Variants in TENM2 observed in about 807,000 individuals in gnomAD.
The protein encoded by TENM2 is teneurin-2.
A neutral mutation model predicts 245.2 loss-of-function variants in TENM2; 52 were observed. That is an observed-to-expected ratio of 0.21 (90% CI 0.17 to 0.27). TENM2 has a LOEUF of 0.27. TENM2 is among the 10% of genes least tolerant of loss of function. TENM2 has a pLI of 1.00. For missense variants in TENM2, 3,046 were observed against 3,666.8 expected, an observed-to-expected ratio of 0.83 and a Z score of 4.37; for synonymous variants, 1,363 against 1,438.9, an observed-to-expected ratio of 0.95 and a Z score of 1.19.
chr5:166,998,690 GT>G, the TENM2 span, among the ~76,000 whole-genome samples: 1 of 152,240 alleles, frequency 6.6e-6, no homozygotes, highest in Non-Finnish European at 1.5e-5. Context: ...TCAGCACAAA[GT>G]ATGGGACTTG....
At chr5:168,261,882 C>A (rs1187526344) in intron 28 of TENM2, among the ~76,000 whole-genome samples, 167 bp from the exon 31 acceptor site, 1 of 152,186 alleles carries the variant, frequency 6.6e-6, no homozygotes, top group African/African-American at 2.4e-5. Context: ...CACTGGTAAT[C>A]AACCAGCCAA....
chr5:168,156,386 G>A (rs1271945109), intron 12 of TENM2, among the ~76,000 whole-genome samples: 2 of 151,074 alleles, frequency 1.3e-5, no homozygotes, highest in East Asian at 3.9e-4. Flanking sequence ...GCATTTCCAT[G>A]CAGCCTGTTT....
chr5:167,065,660 A>G, the TENM2 span, among the ~76,000 whole-genome samples: 1 of 152,238 alleles, frequency 6.6e-6, no homozygotes, highest in African/African-American at 2.4e-5. Flanking sequence ...TCCAATGGGA[A>G]TTATTCTTAA....
intron 4 of TENM2, among the ~76,000 whole-genome samples, chr5:167,985,461 T>C (rs2151982343): frequency 6.6e-6 from 1 of 152,354 alleles, no homozygotes; most frequent in East Asian, 1.9e-4. Flanking sequence ...TTAAGACTTT[T>C]GCTGTATTTC....
At chr5:167,948,101 T>G (rs888729747) in intron 3 of TENM2, among the ~76,000 whole-genome samples, 4 of 152,340 alleles carry the variant, frequency 2.6e-5, no homozygotes, top group African/African-American at 9.6e-5. Context: ...CTGAAAGTCT[T>G]CCTTTATATG....
At chr5:167,269,372 G>A in the TENM2 span, among the ~76,000 whole-genome samples, 4 of 152,146 alleles carry the variant, frequency 2.6e-5, no homozygotes, top group East Asian at 1.9e-4. Flanking sequence ...CAAGAGGCAC[G>A]GTCCCTGCCC....
intron 6 of TENM2, among the ~76,000 whole-genome samples, chr5:168,059,714 A>G (rs887551980): frequency 6.6e-6 from 1 of 152,132 alleles, no homozygotes; most frequent in Non-Finnish European, 1.5e-5. Context: ...GTTTATAGTA[A>G]TGAGAGCTCC....
At chr5:167,417,931 T>C (rs73371335) in intron 2 of TENM2, among the ~76,000 whole-genome samples, 6,256 of 152,316 alleles carry the variant, frequency 0.041, 461 homozygotes, top group African/African-American at 0.14. Context: ...CCTTTCATTT[T>C]GCATTTTCAT....
chr5:167,600,088 T>TAGCCAACACTGCA (rs1314946515), intron 2 of TENM2, among the ~76,000 whole-genome samples: 5 of 149,428 alleles, frequency 3.3e-5, no homozygotes, highest in Admixed American at 6.7e-5. Flanking sequence ...GGAGTTTGCT[T>TAGCCAACACTGCA]CATTTATAGG....
At chr5:167,967,753 A>G (rs1781485544) in intron 4 of TENM2, among the ~76,000 whole-genome samples, 1 of 152,134 alleles carries the variant, frequency 6.6e-6, no homozygotes, top group Non-Finnish European at 1.5e-5. Context: ...AATGTCGAAG[A>G]CTCTGGGGTT....
the TENM2 span, among the ~76,000 whole-genome samples, chr5:166,981,055 CTG>C: frequency 6.6e-6 from 1 of 152,148 alleles, no homozygotes; most frequent in East Asian, 1.9e-4. Flanking sequence ...ACAAAACAAA[CTG>C]TAAATTAACT....
At chr5:167,008,954 C>T in the TENM2 span, among the ~76,000 whole-genome samples, 1 of 152,182 alleles carries the variant, frequency 6.6e-6, no homozygotes, top group African/African-American at 2.4e-5. Flanking sequence ...CCACTTACAG[C>T]TTTGTGCTCC....
At chr5:167,492,230 A>G (rs1173834261) in intron 2 of TENM2, among the ~76,000 whole-genome samples, 1 of 152,128 alleles carries the variant, frequency 6.6e-6, no homozygotes, top group African/African-American at 2.4e-5. Context: ...AGTATAGGGT[A>G]GTGGTTAAGG....
intron 2 of TENM2, among the ~76,000 whole-genome samples, chr5:167,866,293 G>T (rs1282982762): frequency 6.6e-6 from 1 of 152,170 alleles, no homozygotes; most frequent in Non-Finnish European, 1.5e-5. Flanking sequence ...GAGGTCAGGA[G>T]TTCGAGACCA....
chr5:167,953,652 T>C (rs1780296967), intron 4 of TENM2, among the ~76,000 whole-genome samples: 1 of 152,198 alleles, frequency 6.6e-6, no homozygotes, highest in Non-Finnish European at 1.5e-5. Context: ...TCAAATGCTA[T>C]TGTTTCCTTG....
rs566802373 is a variant in TENM2 at position 167,298,698 on chromosome 5, G to A, written c.226+13635G>A. Among the ~76,000 whole-genome samples the A allele has an allele frequency of 2.0e-5, 3 of 152,306 alleles. No individual in the cohort carries two copies. In the East Asian group the frequency reaches 5.8e-4, roughly 29 times the overall value. On this transcript the variant is annotated intron_variant, in intron 1 of 28. Transcript: ENST00000518659. ...AGGTCTAAGAATTGGGAGGACCCAG[G>A]GCATCTAATTAGAGAGTGCCTAAGG...
intron 2 of TENM2, among the ~76,000 whole-genome samples, chr5:167,835,261 C>A (rs1191604045): frequency 6.6e-6 from 1 of 152,136 alleles, no homozygotes; most frequent in Non-Finnish European, 1.5e-5. Flanking sequence ...GACTATCATC[C>A]CATGGGGACA....
At position 167,948,442 on chromosome 5, in the gene TENM2, A is replaced by G. The variant is rs145949471; in HGVS notation, c.713-4146A>G. ...TCATTCAAGCCCTTGATTTTTAAAC[A>G]TACAGGAAACATCTTGTCTATAAAT... is the stretch of plus-strand genomic sequence containing the variant. On this transcript the variant is annotated intron_variant, in intron 3 of 28. Transcript: ENST00000518659. 1.4e-3 allele frequency among the ~76,000 whole-genome samples: 210 copies of G among 152,334 alleles called. 2 individuals are homozygous for G. The East Asian group carries it at 0.025, about 18-fold the overall frequency.
In TENM2 at chr5:168,017,110, A is replaced by G. The variant is rs766618337; in HGVS notation, c.1186+23928A>G. 4.0e-4 allele frequency among the ~76,000 whole-genome samples: 61 copies of G among 152,130 alleles called. 1 individual carries two copies. Among genetic ancestry groups the G allele is most frequent in the Non-Finnish European group, 1.2e-4 (8 of 68,030 alleles). On this transcript the variant is annotated intron_variant, in intron 5 of 28. Coordinates refer to ENST00000518659, the Ensembl canonical transcript of TENM2. Reference sequence around the variant, plus strand: ...CTCAAGATTTCTTCACTTCCTTTGTACTGAGTCAGCTAGAGGGACCACTCA... The same window carrying G: ...CTCAAGATTTCTTCACTTCCTTTGTGCTGAGTCAGCTAGAGGGACCACTCA...
Sources: allele counts gnomAD v4.1 joint callset (sites outside exome capture counted in the v4.1 genomes callset), GRCh38; gene constraint gnomAD v4.1.1; transcripts MANE v1.5; gene names NCBI Gene and HGNC (gene_info 2026-07-23, HGNC 2026-07-21).